UBE2Q1: variants seen among roughly 807,000 people sequenced by gnomAD.
The protein encoded by UBE2Q1 is ubiquitin-conjugating enzyme E2 Q1.
Under a neutral mutation model 60.1 loss-of-function variants are expected in UBE2Q1, and 6 were observed. That is an observed-to-expected ratio of 0.10 (90% CI 0.05 to 0.20). The LOEUF is 0.20. UBE2Q1 is among the 10% of genes least tolerant of loss of function. The pLI is 1.00. For missense variants in UBE2Q1, 262 were observed against 525.8 expected, an observed-to-expected ratio of 0.50 and a Z score of 4.91; for synonymous variants, 226 against 208.3, an observed-to-expected ratio of 1.09 and a Z score of -0.73.
chr1:154,550,768 T>C (rs530925316), intron 12 of UBE2Q1, 170 bp downstream of exon 12: 202 of 985,128 alleles, frequency 2.1e-4, no homozygotes, highest in Non-Finnish European at 2.3e-4. Flanking sequence ...CTGGAAGAGG[T>C]TGTGAATGTT....
chr1:154,554,409 G>A (rs948117998), intron 4 of UBE2Q1, among the ~76,000 whole-genome samples: 5 of 152,174 alleles, frequency 3.3e-5, no homozygotes, highest in African/African-American at 1.2e-4. Context: ...CTACTTTATA[G>A]ATAAGAAAAC....
intron 6 of UBE2Q1, 106 bp downstream of exon 6, chr1:154,552,630 A>G (rs1401674116): frequency 2.0e-5 from 30 of 1,465,544 alleles, no homozygotes; most frequent in Non-Finnish European, 2.8e-5. Flanking sequence ...TCTTGGCCTG[A>G]AAAGTTCATA....
rs1225173611 is a variant in UBE2Q1, at chr1:154,550,154, A to G, written c.*284T>C. 2.3e-6 allele frequency: 1 copy of G among 435,578 alleles called. No individual in the cohort carries two copies. The highest frequency in any genetic ancestry group is 4.1e-6 in the Non-Finnish European group (1 of 242,256). The allele number at this position is 435,578 out of a possible 1,614,324, so 27.0% of individuals were successfully genotyped here. A position where few individuals can be genotyped will look rare whatever the true frequency, so the allele number is the denominator to read the frequency against. ...GGAGCACAGCTGAGTTTCCAGCAAT[A>G]TAAGGAGGCTCGAAAGTTTCTTTTA... On this transcript the variant is annotated 3_prime_UTR_variant, in exon 13 of 13. Coordinates refer to ENST00000292211, the MANE Select transcript of UBE2Q1 (RefSeq NM_017582.7).
At chr1:154,551,361 A>C in intron 11 of UBE2Q1, 36 bp downstream of exon 11, 2 of 1,607,070 alleles carry the variant, frequency 1.2e-6, no homozygotes, top group East Asian at 4.5e-5. Flanking sequence ...ACTTGGCTCC[A>C]CCCAGCCCCA....
intron 1 of UBE2Q1, among the ~76,000 whole-genome samples, chr1:154,557,205 A>G (rs1695906069): frequency 6.6e-6 from 1 of 152,236 alleles, no homozygotes; most frequent in African/African-American, 2.4e-5. Context: ...CAAGTAGCAG[A>G]GAATTCACAA....
At chr1:154,556,132 C>T (rs1388270836) in intron 1 of UBE2Q1, among the ~76,000 whole-genome samples, 168 bp from the exon 2 acceptor site, 2 of 149,828 alleles carry the variant, frequency 1.3e-5, no homozygotes, top group Non-Finnish European at 3.0e-5. Flanking sequence ...AGCAGCTTCA[C>T]AACAAATTCT....
intron 12 of UBE2Q1, 52 bp from the exon 13 acceptor site, chr1:154,550,521 T>C (rs1695775739): frequency 3.1e-6 from 5 of 1,611,826 alleles, no homozygotes; most frequent in Middle Eastern, 1.7e-4. Flanking sequence ...CCACCCTCCC[T>C]GTCCTGCCCC....
rs777494406 is a variant in UBE2Q1 at position 154,555,945 on chromosome 1, G to C, written c.347C>G (p.Pro116Arg). The C allele has an allele frequency of 6.2e-7, 1 of 1,614,046 alleles. No individual in the cohort carries two copies. Among genetic ancestry groups the C allele is most frequent in the East Asian group, 2.2e-5 (1 of 44,874 alleles). The change falls in exon 2 of 13, where the codon CCC (proline) becomes CGC (arginine). Residue 116 changes from proline (P) to arginine (R), a missense_variant. Coordinates refer to ENST00000292211, the MANE Select transcript of UBE2Q1 (RefSeq NM_017582.7). ...ATCAGACTCCACCGACCAGATGGGG[G>C]GCACAGCAGGGTATGACTCCTGAAG... ...CNITESYPAV[P>R]PIWSVESDDP...
chr1:154,552,940 A>G (rs1386593962), intron 5 of UBE2Q1, 92 bp downstream of exon 5: 18 of 1,590,534 alleles, frequency 1.1e-5, no homozygotes, highest in Non-Finnish European at 1.4e-5. Flanking sequence ...ACAAAAAAGG[A>G]GTCTGCTCTC....
intron 1 of UBE2Q1, 116 bp downstream of exon 1, chr1:154,558,111 T>C (rs1695923625): frequency 3.9e-6 from 3 of 776,064 alleles, no homozygotes; most frequent in Non-Finnish European, 5.9e-6. Context: ...GAGAAAGAAC[T>C]GAGCCCTGAG....
intron 10 of UBE2Q1, 74 bp downstream of exon 10, chr1:154,551,697 G>C (rs772555061): frequency 6.3e-7 from 1 of 1,590,602 alleles, no homozygotes; most frequent in Admixed American, 1.7e-5. Context: ...CACCCAGCCC[G>C]TAGGGGTGTG....
At chr1:154,551,696 C>G in intron 10 of UBE2Q1, 75 bp downstream of exon 10, 3 of 1,591,542 alleles carry the variant, frequency 1.9e-6, no homozygotes, top group Non-Finnish European at 2.6e-6. Flanking sequence ...TCACCCAGCC[C>G]GTAGGGGTGT....
chr1:154,552,740 T>G lies in UBE2Q1; in HGVS notation c.810A>C (p.Lys270Asn). 6.2e-7 allele frequency: 1 copy of G among 1,614,068 alleles called. No individual in the cohort carries two copies. The highest frequency in any genetic ancestry group is 8.5e-7 in the Non-Finnish European group (1 of 1,179,952). ...LRDIYRSQSFKGGNYAVELVN... is the reference protein window; with the variant it reads ...LRDIYRSQSFNGGNYAVELVN... ...CCCTCTCTGGGGCAAACTCACCGCCTTTGAAACTCTGTGATCGGTATATAT... is the reference window on the plus strand; with the variant it reads ...CCCTCTCTGGGGCAAACTCACCGCCGTTGAAACTCTGTGATCGGTATATAT... The change falls in exon 6 of 13, where the codon AAA (lysine) becomes AAC (asparagine). Residue 270 changes from lysine to asparagine, a missense_variant. Lys to Asn is a moderately conservative substitution (Grantham distance 94). Transcript: ENST00000292211.
chr1:154,548,782 C>T lies in UBE2Q1; in HGVS notation c.*1656G>A, dbSNP rs568263406. ...TGGAATGAATTTTCCCCTTATGTCC[C>T]GTCTTTATCTCAACCTCAGCATGTT... On this transcript the variant is annotated 3_prime_UTR_variant, in exon 13 of 13. Coordinates refer to ENST00000292211, the MANE Select transcript of UBE2Q1 (RefSeq NM_017582.7). 8 of 152,658 alleles carry T rather than the reference C, an allele frequency of 5.2e-5. No homozygotes were observed. The highest frequency in any genetic ancestry group is 1.2e-4 in the African/African-American group (5 of 41,530). 9.5% of individuals were successfully genotyped at this position (152,658 alleles called of 1,614,324 possible).
In UBE2Q1 at chr1:154,551,807, G is replaced by C; in HGVS notation, c.1038C>G (p.Gly346=). 1 of 1,614,156 alleles carries C rather than the reference G, an allele frequency of 6.2e-7. No homozygotes were observed. Among genetic ancestry groups the C allele is most frequent in the Non-Finnish European group, 8.5e-7 (1 of 1,180,012 alleles). Residue 346 remains glycine (G), a synonymous_variant, in exon 10 of 13, where the codon GGC becomes GGG. Transcript: ENST00000292211. ...SPVLSGGYVL[G]GGAICMELLT... ...GAAGTTCCATGCAGATGGCCCCTCC[G>C]CCCAGAACATACCTGCATGAGAAAG...
At chr1:154,557,029 T>G (rs979735513) in intron 1 of UBE2Q1, among the ~76,000 whole-genome samples, 2 of 152,184 alleles carry the variant, frequency 1.3e-5, no homozygotes, top group African/African-American at 4.8e-5. Context: ...GTCCTTCAAT[T>G]TTAACTTTCT....
intron 4 of UBE2Q1, 97 bp from the exon 5 acceptor site, chr1:154,553,269 C>A: frequency 6.7e-7 from 1 of 1,485,194 alleles, no homozygotes; most frequent in Non-Finnish European, 9.0e-7. Flanking sequence ...TGGCGAAGAG[C>A]CAAAAGTTAA....
intron 8 of UBE2Q1, 36 bp from the exon 9 acceptor site, chr1:154,552,015 G>A (rs1695797635): frequency 6.2e-7 from 1 of 1,613,826 alleles, no homozygotes; most frequent in Non-Finnish European, 8.5e-7. Context: ...GGGGAGGGAG[G>A]CCAGCATCCT....
Position 154,555,969 on chromosome 1 carries a change from A to C in UBE2Q1, c.328-5T>G, listed in dbSNP as rs779260961. 1 of 1,613,406 alleles carries C rather than the reference A, an allele frequency of 6.2e-7. No homozygotes were observed. Among genetic ancestry groups the C allele is most frequent in the South Asian group, 1.1e-5 (1 of 91,062 alleles). ...GGGCACAGCAGGGTATGACTCCTGA[A>C]GGGAAAAGAGCAATAAGAGCAATCA... On this transcript the variant is annotated splice_polypyrimidine_tract_variant and splice_region_variant and intron_variant, in intron 1 of 12. Transcript: ENST00000292211.
Sources: gnomAD v4.1 joint callset for allele counts (sites outside exome capture counted in the v4.1 genomes callset) on GRCh38, gnomAD v4.1.1 for gene constraint, MANE v1.5 for transcripts, NCBI Gene and HGNC (gene_info 2026-07-23, HGNC 2026-07-21) for gene names.